SOX6: variants seen among roughly 807,000 people sequenced by gnomAD.
SOX6 encodes the protein transcription factor SOX-6.
Under a neutral mutation model 97.8 loss-of-function variants are expected in SOX6, and 11 were observed. That is an observed-to-expected ratio of 0.11 (90% CI 0.07 to 0.19). The LOEUF is 0.19. Among genes scored for constraint, SOX6 ranks in the 10% least tolerant of loss-of-function variants. The probability of loss-of-function intolerance (pLI) is 1.00; values close to 1 mark genes in which losing one functional copy is unlikely to be tolerated. For synonymous variants in SOX6, 360 were observed against 371.4 expected (o/e 0.97, Z 0.35); for missense variants, 810 against 1,039.5 (o/e 0.78, Z 3.04).
At chr11:16,292,440 T>A (rs1854944068) in intron 3 of SOX6, among the ~76,000 whole-genome samples, 2 of 151,774 alleles carry the variant, frequency 1.3e-5, no homozygotes, top group African/African-American at 2.4e-5. Context: ...CAAAGAAAAG[T>A]GAGGTGATAG....
intron 15 of SOX6, among the ~76,000 whole-genome samples, chr11:15,976,381 C>T (rs1853487088): frequency 6.6e-6 from 1 of 152,184 alleles, no homozygotes; most frequent in Non-Finnish European, 1.5e-5. Context: ...TAAATTAGAA[C>T]ATTCACATTT....
chr11:16,719,159 C>A (rs1186664702), intron 2 of SOX6, among the ~76,000 whole-genome samples: 1 of 152,030 alleles, frequency 6.6e-6, no homozygotes, highest in Non-Finnish European at 1.5e-5. Flanking sequence ...GTTTACTTAA[C>A]TGAGTAATTA....
chr11:16,475,704 T>C (rs1182442590), intron 1 of SOX6, among the ~76,000 whole-genome samples: 1 of 152,136 alleles, frequency 6.6e-6, no homozygotes, highest in Non-Finnish European at 1.5e-5. Flanking sequence ...TATGAAAATG[T>C]AACAGAGAGA....
chr11:16,132,957 G>C (rs142999918), intron 6 of SOX6, among the ~76,000 whole-genome samples: 302 of 152,184 alleles, frequency 2.0e-3, no homozygotes, highest in Non-Finnish European at 3.7e-3. Context: ...ACAGTAAAAA[G>C]TATATTATTC....
intron 1 of SOX6, chr11:16,408,812 G>A (rs1858737611): frequency 6.6e-6 from 1 of 151,720 alleles, no homozygotes; most frequent in Non-Finnish European, 1.5e-5. Context: ...TAGCAGTTGA[G>A]ACTACAGGCA....
At chr11:16,409,210 C>A (rs757535774) in intron 1 of SOX6, among the ~76,000 whole-genome samples, 14 of 151,454 alleles carry the variant, frequency 9.2e-5, no homozygotes, top group Non-Finnish European at 1.5e-5. Context: ...TATGACAGAG[C>A]CTTATGGCGA....
At chr11:16,563,311 G>C (rs1426285568) in intron 4 of SOX6, among the ~76,000 whole-genome samples, 1 of 152,120 alleles carries the variant, frequency 6.6e-6, no homozygotes, top group Non-Finnish European at 1.5e-5. Context: ...GGTTCGGGTT[G>C]GTGCATGCGT....
intron 4 of SOX6, among the ~76,000 whole-genome samples, chr11:16,599,257 G>A (rs779825362): frequency 1.3e-5 from 2 of 151,912 alleles, no homozygotes; most frequent in Admixed American, 1.3e-4. Flanking sequence ...TGAATTCCTC[G>A]CCACACACAC....
intron 4 of SOX6, among the ~76,000 whole-genome samples, chr11:16,544,346 G>A (rs12801314): frequency 0.38 from 58,192 of 151,906 alleles, 12,352 homozygotes; most frequent in Non-Finnish European, 0.46. Flanking sequence ...TACAGCCTCA[G>A]TCTCCTGGGC....
intron 4 of SOX6, among the ~76,000 whole-genome samples, chr11:16,499,750 A>G (rs893137948): frequency 1.3e-5 from 2 of 152,194 alleles, no homozygotes; most frequent in Non-Finnish European, 2.9e-5. Flanking sequence ...CCCTCCCAAC[A>G]CTAAACCAGG....
rs150425370 is a variant in SOX6, at chr11:16,472,392, G to A, written c.-5+3923C>T. On this transcript the variant is annotated intron_variant, in intron 1 of 15. Coordinates refer to the SOX6 transcript ENST00000396356. ...CTCAGATTTCCAGTAGAATAAGTTC[G>A]GTTCCTTAGAATCCTGTTTTCACAA... Among the ~76,000 whole-genome samples the A allele has an allele frequency of 2.0e-3, 304 of 152,184 alleles. 1 individual carries two copies. The highest frequency in any genetic ancestry group is 6.9e-3 in the African/African-American group (285 of 41,532).
intron 4 of SOX6, among the ~76,000 whole-genome samples, chr11:16,215,198 T>C (rs1379691228): frequency 6.6e-6 from 1 of 152,196 alleles, no homozygotes; most frequent in East Asian, 1.9e-4. Flanking sequence ...AGAACAAAGC[T>C]GACTCCCTAA....
At chr11:16,437,403 T>G (rs1276370824) in intron 1 of SOX6, among the ~76,000 whole-genome samples, 1 of 152,090 alleles carries the variant, frequency 6.6e-6, no homozygotes, top group Non-Finnish European at 1.5e-5. Flanking sequence ...CCCCACTAGA[T>G]TGTGAGCTCC....
intron 3 of SOX6, among the ~76,000 whole-genome samples, chr11:16,246,004 C>T (rs1192767823): frequency 1.3e-5 from 2 of 150,980 alleles, no homozygotes; most frequent in Non-Finnish European, 3.0e-5. Context: ...CTTTTCTTGG[C>T]TTTTTAATTA....
intron 4 of SOX6, among the ~76,000 whole-genome samples, chr11:16,192,689 G>A (rs763125380): frequency 2.6e-5 from 4 of 151,296 alleles, no homozygotes; most frequent in Non-Finnish European, 5.9e-5. Flanking sequence ...AAACAGATGA[G>A]AATTTAGGTA....
intron 2 of SOX6, among the ~76,000 whole-genome samples, chr11:16,337,335 A>G (rs1856494280): frequency 2.0e-5 from 3 of 152,172 alleles, no homozygotes; most frequent in Admixed American, 2.0e-4. Context: ...AACAATATAT[A>G]AGTTTATCTG....
intron 4 of SOX6, among the ~76,000 whole-genome samples, chr11:16,525,888 C>A (rs1007043243): frequency 6.6e-6 from 1 of 152,046 alleles, no homozygotes; most frequent in Non-Finnish European, 1.5e-5. Context: ...AAAAAATGCT[C>A]ATAATCACTG....
intron 4 of SOX6, among the ~76,000 whole-genome samples, chr11:16,562,060 G>A (rs1847821568): frequency 1.3e-5 from 2 of 152,120 alleles, no homozygotes; most frequent in Non-Finnish European, 2.9e-5. Flanking sequence ...ATTCTCACAA[G>A]TATACAGTGG....
chr11:16,315,090 A>T (rs1348581588), intron 3 of SOX6: 2 of 152,054 alleles, frequency 1.3e-5, no homozygotes, highest in African/African-American at 4.8e-5. Context: ...GGTACTTGCC[A>T]CCATGCCTGG....
Sources: allele counts gnomAD v4.1 joint callset (sites outside exome capture counted in the v4.1 genomes callset), GRCh38; gene constraint gnomAD v4.1.1; transcripts MANE v1.5; gene names NCBI Gene and HGNC (gene_info 2026-07-23, HGNC 2026-07-21).